Variants in SDK1 observed in about 807,000 individuals in gnomAD.
The protein encoded by SDK1 is protein sidekick-1.
A neutral mutation model predicts 245.5 loss-of-function variants in SDK1; 157 were observed. That is an observed-to-expected ratio of 0.64 (90% confidence interval 0.56 to 0.73). The LOEUF (loss-of-function observed/expected upper bound fraction) is 0.73. Among genes scored for constraint, SDK1 ranks in the 30% least tolerant of loss-of-function variants. The pLI, the probability that SDK1 is intolerant of heterozygous loss-of-function variation, is 0.00. For synonymous variants in SDK1, 1,647 were observed against 1,278.5 expected (o/e 1.29, Z -6.15); for missense variants, 3,583 against 3,002.3 (o/e 1.19, Z -4.52).
chr7:3,356,427 C>T (rs1245560422), intron 1 of SDK1, among the ~76,000 whole-genome samples: 1 of 152,088 alleles, frequency 6.6e-6, no homozygotes, highest in Non-Finnish European at 1.5e-5. Context: ...GGCAGGTGTT[C>T]CATGACCTTA....
chr7:3,675,605 G>A (rs1314842131), intron 4 of SDK1, among the ~76,000 whole-genome samples: 1 of 151,902 alleles, frequency 6.6e-6, no homozygotes, highest in African/African-American at 2.4e-5. Context: ...ATGAGGTCTT[G>A]TTCTGTCACC....
intron 20 of SDK1, among the ~76,000 whole-genome samples, chr7:4,071,687 C>T (rs900765377): frequency 6.6e-6 from 1 of 152,186 alleles, no homozygotes; most frequent in Non-Finnish European, 1.5e-5. Flanking sequence ...CAGGAGGCTA[C>T]CATTCGGAAG....
At chr7:4,153,693 T>C (rs1324327248) in intron 30 of SDK1, among the ~76,000 whole-genome samples, 1 of 152,182 alleles carries the variant, frequency 6.6e-6, no homozygotes, top group Admixed American at 6.5e-5. Context: ...TTTGGTTGGT[T>C]GTTTTATTTG....
chr7:3,969,470 A>T, intron 11 of SDK1, 46 bp downstream of exon 11: 1 of 1,440,696 alleles, frequency 6.9e-7, no homozygotes, highest in Admixed American at 2.2e-5. Context: ...GCCACGGTTT[A>T]ATCATCACGT....
At chr7:3,538,418 C>A (rs1281990452) in intron 1 of SDK1, among the ~76,000 whole-genome samples, 1 of 152,064 alleles carries the variant, frequency 6.6e-6, no homozygotes, top group African/African-American at 2.4e-5. Flanking sequence ...ATTAATTTTG[C>A]CTTTTAATGT....
chr7:3,951,952 G>C (rs573262189), intron 7 of SDK1, 32 bp downstream of exon 7: 3 of 1,584,978 alleles, frequency 1.9e-6, no homozygotes, highest in South Asian at 2.3e-5. Context: ...GGTGTTGCCA[G>C]CATCTCAGAT....
At chr7:3,349,188 TAAAAAAAAACAAC>T (rs1562431880) in intron 1 of SDK1, among the ~76,000 whole-genome samples, 1 of 150,424 alleles carries the variant, frequency 6.6e-6, no homozygotes, top group Non-Finnish European at 1.5e-5. Flanking sequence ...GGTTGCAGTT[TAAAAAAAAACAAC>T]AAAAAAAACA....
At chr7:3,319,109 G>C (rs747895884) in intron 1 of SDK1, among the ~76,000 whole-genome samples, 2 of 152,188 alleles carry the variant, frequency 1.3e-5, no homozygotes, top group East Asian at 1.9e-4. Flanking sequence ...TGGCAGTGGG[G>C]CCTCACGGAG....
At chr7:3,380,598 C>T (rs1781461628) in intron 1 of SDK1, among the ~76,000 whole-genome samples, 1 of 152,182 alleles carries the variant, frequency 6.6e-6, no homozygotes, top group Admixed American at 6.5e-5. Flanking sequence ...AGTTGCTTAA[C>T]CAAGTAACTT....
intron 1 of SDK1, among the ~76,000 whole-genome samples, chr7:3,506,867 C>A (rs984109297): frequency 6.6e-6 from 1 of 151,522 alleles, no homozygotes; most frequent in Non-Finnish European, 1.5e-5. Flanking sequence ...CACATTTATT[C>A]ATTTGAATTC....
intron 5 of SDK1, among the ~76,000 whole-genome samples, chr7:3,894,602 A>G (rs901741464): frequency 6.6e-6 from 1 of 152,008 alleles, no homozygotes; most frequent in East Asian, 1.9e-4. Context: ...ATTCCTGGAG[A>G]GCTACAACAT....
chr7:3,307,792 A>T (rs950595515), intron 1 of SDK1, among the ~76,000 whole-genome samples: 2 of 152,184 alleles, frequency 1.3e-5, no homozygotes, highest in Admixed American at 6.5e-5. Context: ...GAGGAAGTCT[A>T]TTAGTCTCTC....
At position 3,962,844 on chromosome 7, in the gene SDK1, T is replaced by C. The variant is rs1418040222; in HGVS notation, c.1422T>C (p.Asp474=). 4 of 1,611,336 alleles carry C rather than the reference T, an allele frequency of 2.5e-6. No individual in the cohort carries two copies. The African/African-American group carries it at 4.0e-5, about 16-fold the overall frequency. Residue 474 remains aspartate (D), a synonymous_variant, in exon 9 of 45, where the codon GAT becomes GAC. Coordinates refer to ENST00000404826, the MANE Select transcript of SDK1 (RefSeq NM_152744.4). ...GGEIQTHTYL[D]VTNIAPVFTQ... ...AGATCCAGACCCACACCTACCTGGATGTAACCAGTGAGTACACCCAGGCCC... is the reference window on the plus strand; with the variant it reads ...AGATCCAGACCCACACCTACCTGGACGTAACCAGTGAGTACACCCAGGCCC...
At chr7:3,850,506 GGTATATA>G (rs969576666) in intron 5 of SDK1, among the ~76,000 whole-genome samples, 97 of 152,062 alleles carry the variant, frequency 6.4e-4, no homozygotes, top group African/African-American at 2.2e-3. Context: ...CCCATTACTG[GGTATATA>G]CCCAAATGAT....
At chr7:4,039,705 T>C (rs1002756746) in intron 17 of SDK1, among the ~76,000 whole-genome samples, 2 of 151,960 alleles carry the variant, frequency 1.3e-5, no homozygotes, top group Admixed American at 1.3e-4. Context: ...CTTTACTGAG[T>C]TGATTTAATT....
At chr7:4,061,289 C>G (rs941927379) in intron 19 of SDK1, among the ~76,000 whole-genome samples, 1 of 152,080 alleles carries the variant, frequency 6.6e-6, no homozygotes, top group Non-Finnish European at 1.5e-5. Context: ...GAATGTTCTT[C>G]CATTTGTTTG....
At position 3,586,703 on chromosome 7, in the gene SDK1, T is replaced by G. The variant is rs528493085; in HGVS notation, c.299-32377T>G. Reference sequence around the variant, plus strand: ...CTGGGCGACTGAGCAAGACTCCGTCTCAAAAAAAAAAAAAAAAAAGAAATA... The same window carrying G: ...CTGGGCGACTGAGCAAGACTCCGTCGCAAAAAAAAAAAAAAAAAAGAAATA... On this transcript the variant is annotated intron_variant, in intron 1 of 44. Coordinates refer to ENST00000404826, the MANE Select transcript of SDK1 (RefSeq NM_152744.4). 8.2e-5 allele frequency among the ~76,000 whole-genome samples: 10 copies of G among 122,438 alleles called. No homozygotes were observed. The South Asian group carries it at 2.8e-3, about 34-fold the overall frequency. 80.3% of individuals were successfully genotyped at this position (122,438 alleles called of 152,430 possible). A position where few individuals can be genotyped will look rare whatever the true frequency, so the allele number is the denominator to read the frequency against.
intron 5 of SDK1, among the ~76,000 whole-genome samples, chr7:3,873,736 G>A (rs1781010392): frequency 1.3e-5 from 2 of 152,010 alleles, no homozygotes; most frequent in South Asian, 4.1e-4. Flanking sequence ...CCCATCAAAA[G>A]CATTTTTAAT....
At chr7:4,112,644 C>G (rs973989377) in intron 23 of SDK1, among the ~76,000 whole-genome samples, 3 of 152,190 alleles carry the variant, frequency 2.0e-5, no homozygotes, top group African/African-American at 7.2e-5. Flanking sequence ...TTCTGGACAC[C>G]CAATCCATCC....
Sources: allele counts gnomAD v4.1 joint callset (sites outside exome capture counted in the v4.1 genomes callset), GRCh38; gene constraint gnomAD v4.1.1; transcripts MANE v1.5; gene names NCBI Gene and HGNC (gene_info 2026-07-23, HGNC 2026-07-21).